The following CDH18 variants were observed in gnomAD, a reference collection of about 807,000 sequenced individuals.
The protein encoded by CDH18 is cadherin 18.
CDH18 carries 31 observed loss-of-function variants against 67.9 expected under a neutral mutation model. The ratio of observed to expected loss-of-function variants is 0.46; its 90% CI spans 0.34 to 0.62. The LOEUF (loss-of-function observed/expected upper bound fraction) is 0.62. Ranked by LOEUF, CDH18 falls within the 20% of genes least tolerant of loss-of-function variation. The pLI, the probability that CDH18 is intolerant of heterozygous loss-of-function variation, is 0.01. For synonymous variants in CDH18, 362 were observed against 347.2 expected (o/e 1.04, Z -0.48); for missense variants, 890 against 975.5 (o/e 0.91, Z 1.17).
chr5:20,095,435 GAAA>G (rs1416908641), intron 2 of CDH18, among the ~76,000 whole-genome samples: 20 of 118,384 alleles, frequency 1.7e-4, no homozygotes, highest in African/African-American at 6.3e-4. Flanking sequence ...AAGAAAGAAA[GAAA>G]GAAAGAAAAG....
At chr5:19,863,271 C>A (rs994514776) in intron 2 of CDH18, among the ~76,000 whole-genome samples, 4 of 152,050 alleles carry the variant, frequency 2.6e-5, no homozygotes, top group African/African-American at 7.2e-5. Flanking sequence ...AATCCATTAA[C>A]CCTGGGAGGG....
At chr5:19,550,130 G>A (rs997572277) in intron 8 of CDH18, among the ~76,000 whole-genome samples, 1 of 151,706 alleles carries the variant, frequency 6.6e-6, no homozygotes, top group Middle Eastern at 3.2e-3. Context: ...TTGGCTGCTA[G>A]ACTAGAAAAA....
intron 5 of CDH18, among the ~76,000 whole-genome samples, chr5:19,630,671 A>G (rs904793794): frequency 6.6e-6 from 1 of 152,192 alleles, no homozygotes; most frequent in Admixed American, 6.5e-5. Context: ...AAGTAATAGA[A>G]GTAGGCACCT....
At chr5:20,342,136 G>A (rs73056781) in intron 1 of CDH18, among the ~76,000 whole-genome samples, 4 of 152,112 alleles carry the variant, frequency 2.6e-5, no homozygotes, top group Non-Finnish European at 5.9e-5. Flanking sequence ...TGGCTGACCT[G>A]CAATGAAAGA....
At chr5:20,375,135 C>T (rs1743309481) in intron 1 of CDH18, among the ~76,000 whole-genome samples, 1 of 152,088 alleles carries the variant, frequency 6.6e-6, no homozygotes, top group South Asian at 2.1e-4. Flanking sequence ...TCATTTATAT[C>T]CTGACCCCCT....
chr5:19,890,899 A>G (rs1460211566), intron 2 of CDH18, among the ~76,000 whole-genome samples: 1 of 152,206 alleles, frequency 6.6e-6, no homozygotes, highest in African/African-American at 2.4e-5. Flanking sequence ...ATTTGCGTAG[A>G]AAACCAATTT....
chr5:20,533,954 C>T (rs1756564522), intron 1 of CDH18, among the ~76,000 whole-genome samples: 1 of 151,740 alleles, frequency 6.6e-6, no homozygotes, highest in Non-Finnish European at 1.5e-5. Context: ...ATATATAAAC[C>T]AAAAGCTTTT....
intron 2 of CDH18, among the ~76,000 whole-genome samples, chr5:19,858,404 T>C (rs1784524974): frequency 6.6e-6 from 1 of 152,000 alleles, no homozygotes; most frequent in African/African-American, 2.4e-5. Context: ...AAGGGATGTC[T>C]AGGTTTGTCA....
At chr5:19,766,248 G>C (rs190996453) in intron 3 of CDH18, among the ~76,000 whole-genome samples, 5 of 152,252 alleles carry the variant, frequency 3.3e-5, no homozygotes, top group Admixed American at 6.5e-5. Flanking sequence ...ATCTTCTCTT[G>C]TATGTATCAG....
chr5:19,758,381 T>C (rs1392164031), intron 3 of CDH18, among the ~76,000 whole-genome samples: 1 of 152,186 alleles, frequency 6.6e-6, no homozygotes, highest in Non-Finnish European at 1.5e-5. Flanking sequence ...TCCAAAATCA[T>C]AGAGGCCTCC....
intron 1 of CDH18, among the ~76,000 whole-genome samples, chr5:20,416,389 G>A (rs1280409152): frequency 6.6e-6 from 1 of 152,004 alleles, no homozygotes; most frequent in East Asian, 1.9e-4. Context: ...TTATTTTAGA[G>A]AAGCCTATAA....
At chr5:19,735,950 A>AT (rs1288725005) in intron 4 of CDH18, among the ~76,000 whole-genome samples, 1 of 152,164 alleles carries the variant, frequency 6.6e-6, no homozygotes, top group African/African-American at 2.4e-5. Flanking sequence ...GTAAAAGATT[A>AT]TTTTTTTGAA....
intron 2 of CDH18, among the ~76,000 whole-genome samples, chr5:20,038,530 CT>C (rs1469838483): frequency 6.6e-6 from 1 of 152,164 alleles, no homozygotes; most frequent in African/African-American, 2.4e-5. Flanking sequence ...GGGATGCAAG[CT>C]GGTTCAACAT....
intron 1 of CDH18, among the ~76,000 whole-genome samples, chr5:20,281,132 A>G (rs1196559644): frequency 2.6e-5 from 4 of 152,210 alleles, no homozygotes; most frequent in Admixed American, 6.5e-5. Context: ...AGTAGGTTGC[A>G]AAAATTTTCT....
intron 3 of CDH18, among the ~76,000 whole-genome samples, chr5:19,798,753 ATTAT>A (rs1777115735): frequency 6.6e-6 from 1 of 152,078 alleles, no homozygotes; most frequent in Admixed American, 6.6e-5. Context: ...TATTCCGCTA[ATTAT>A]TTAATTCAAA....
chr5:19,701,958 G>C (rs1294249115), intron 5 of CDH18, among the ~76,000 whole-genome samples: 5 of 151,912 alleles, frequency 3.3e-5, no homozygotes, highest in Non-Finnish European at 5.9e-5. Context: ...TCACATCAAG[G>C]CACCAAAATG....
chr5:19,872,879 G>A (rs1019759848), intron 2 of CDH18, among the ~76,000 whole-genome samples: 1 of 152,142 alleles, frequency 6.6e-6, no homozygotes, highest in East Asian at 1.9e-4. Flanking sequence ...CCCAATGTTT[G>A]TACTTAATCT....
intron 2 of CDH18, among the ~76,000 whole-genome samples, chr5:20,226,946 G>A (rs1741681570): frequency 6.6e-6 from 1 of 151,898 alleles, no homozygotes; most frequent in African/African-American, 2.4e-5. Context: ...CAATTGTTAA[G>A]GTCTTACTTA....
chr5:20,234,971 A>T (rs1363486071), intron 2 of CDH18, among the ~76,000 whole-genome samples: 1 of 152,142 alleles, frequency 6.6e-6, no homozygotes, highest in Non-Finnish European at 1.5e-5. Flanking sequence ...GCGGTATCCA[A>T]TCTACATGAA....
Sources: gnomAD v4.1 joint callset for allele counts (sites outside exome capture counted in the v4.1 genomes callset) on GRCh38, gnomAD v4.1.1 for gene constraint, MANE v1.5 for transcripts, NCBI Gene and HGNC (gene_info 2026-07-23, HGNC 2026-07-21) for gene names.